Variants in RBMS3 observed in about 807,000 individuals in gnomAD.
RBMS3 encodes the protein RNA-binding motif, single-stranded-interacting protein 3.
Under a neutral mutation model 66.8 loss-of-function variants are expected in RBMS3, and 27 were observed. The ratio of observed to expected loss-of-function variants is 0.40; its 90% CI spans 0.30 to 0.56. RBMS3 has a LOEUF of 0.56. Ranked by LOEUF, RBMS3 falls within the 20% of genes least tolerant of loss-of-function variation. The pLI is 0.40. For missense variants in RBMS3, 513 were observed against 549.5 expected, an observed-to-expected ratio of 0.93 and a Z score of 0.66; for synonymous variants, 188 against 183.0, an observed-to-expected ratio of 1.03 and a Z score of -0.22.
chr3:29,508,183 A>T (rs1050511997), intron 3 of RBMS3, among the ~76,000 whole-genome samples: 2 of 151,968 alleles, frequency 1.3e-5, no homozygotes, highest in Non-Finnish European at 2.9e-5. Flanking sequence ...AATATAATCT[A>T]TTTTTTCCCC....
At chr3:29,835,552 A>T (rs2058483361) in intron 6 of RBMS3, among the ~76,000 whole-genome samples, 1 of 151,990 alleles carries the variant, frequency 6.6e-6, no homozygotes, top group Admixed American at 6.6e-5. Flanking sequence ...AAAAAATTAA[A>T]AGATAATTAA....
rs115377172 is a variant in RBMS3 at position 29,742,655 on chromosome 3, A to G, written c.557+2778A>G. On this transcript the variant is annotated intron_variant, in intron 5 of 14. Coordinates refer to ENST00000383767, the MANE Select transcript of RBMS3 (RefSeq NM_001003793.3). ...TTTTGTTTTTTCTTTCAAATAAAATATATCACGATTACAATGAATTCATTG... is the reference window on the plus strand; with the variant it reads ...TTTTGTTTTTTCTTTCAAATAAAATGTATCACGATTACAATGAATTCATTG... Among the ~76,000 whole-genome samples, 792 of 152,336 alleles carry G rather than the reference A, an allele frequency of 5.2e-3. 9 individuals are homozygous for G. The highest frequency in any genetic ancestry group is 0.018 in the African/African-American group (740 of 41,574).
At chr3:29,971,228 A>G (rs910908400) in intron 12 of RBMS3, among the ~76,000 whole-genome samples, 7 of 152,102 alleles carry the variant, frequency 4.6e-5, no homozygotes, top group African/African-American at 1.7e-4. Context: ...ACATTATTTC[A>G]TTACCAATGA....
intron 11 of RBMS3, among the ~76,000 whole-genome samples, chr3:29,939,024 G>C (rs901569919): frequency 6.6e-6 from 1 of 151,962 alleles, no homozygotes; most frequent in Admixed American, 6.6e-5. Flanking sequence ...ACTGGTGGGA[G>C]TCTAGTTTAG....
At chr3:29,385,858 A>C (rs1048224124) in intron 1 of RBMS3, among the ~76,000 whole-genome samples, 88 of 152,298 alleles carry the variant, frequency 5.8e-4, no homozygotes, top group African/African-American at 2.0e-3. Context: ...CTATTTTAGC[A>C]GCTCAACACT....
chr3:29,571,850 A>G (rs762249309), intron 3 of RBMS3, among the ~76,000 whole-genome samples: 1 of 152,186 alleles, frequency 6.6e-6, no homozygotes, highest in East Asian at 1.9e-4. Flanking sequence ...TTGAATCAGT[A>G]GATTGTTTTG....
intron 3 of RBMS3, among the ~76,000 whole-genome samples, chr3:29,527,181 T>TAAAAAAA (rs538907247): frequency 1.1e-5 from 1 of 87,826 alleles, no homozygotes. Flanking sequence ...TTAGGTAGAG[T>TAAAAAAA]AAAAAAAAAA....
chr3:29,497,532 T>C (rs949772710), intron 3 of RBMS3, among the ~76,000 whole-genome samples: 4 of 152,192 alleles, frequency 2.6e-5, no homozygotes, highest in African/African-American at 9.7e-5. Context: ...TAAAATGCTC[T>C]CTCTTCCTAC....
intron 10 of RBMS3, among the ~76,000 whole-genome samples, chr3:29,928,192 A>G (rs1364214448): frequency 7.4e-5 from 7 of 94,774 alleles, no homozygotes; most frequent in African/African-American, 2.3e-4. Flanking sequence ...ATATATATAT[A>G]TATATATATA....
At chr3:29,363,006 C>T (rs556460352) in intron 1 of RBMS3, among the ~76,000 whole-genome samples, 1 of 152,178 alleles carries the variant, frequency 6.6e-6, no homozygotes, top group African/African-American at 2.4e-5. Context: ...AAATTTTGCC[C>T]CTCTCATCTG....
chr3:29,538,326 T>C (rs957240205), intron 3 of RBMS3, among the ~76,000 whole-genome samples: 11 of 152,308 alleles, frequency 7.2e-5, no homozygotes, highest in Middle Eastern at 3.4e-3. Flanking sequence ...ACAAAAAATA[T>C]ACTTTACAAT....
intron 3 of RBMS3, among the ~76,000 whole-genome samples, chr3:29,499,677 C>T (rs899838496): frequency 5.3e-5 from 8 of 152,190 alleles, no homozygotes; most frequent in African/African-American, 1.7e-4. Flanking sequence ...GGTCATTCAG[C>T]GGACACCAGC....
intron 2 of RBMS3, among the ~76,000 whole-genome samples, chr3:29,477,539 A>T (rs2042988936): frequency 6.6e-6 from 1 of 152,174 alleles, no homozygotes; most frequent in African/African-American, 2.4e-5. Context: ...AAAAGATACA[A>T]TATAGTACAA....
chr3:29,509,329 A>G (rs1048340730), intron 3 of RBMS3, among the ~76,000 whole-genome samples: 2 of 152,158 alleles, frequency 1.3e-5, no homozygotes, highest in Non-Finnish European at 2.9e-5. Context: ...CTGTAACGTA[A>G]CAAGCACCCC....
intron 6 of RBMS3, among the ~76,000 whole-genome samples, chr3:29,788,150 C>G (rs2056884597): frequency 6.6e-6 from 1 of 151,094 alleles, no homozygotes; most frequent in African/African-American, 2.4e-5. Context: ...AAGTACCCAC[C>G]CTTCTCTAAA....
At chr3:29,281,922 T>G (rs1465043014) in intron 1 of RBMS3, among the ~76,000 whole-genome samples, 166 bp downstream of exon 1, 4 of 152,138 alleles carry the variant, frequency 2.6e-5, no homozygotes, top group African/African-American at 9.7e-5. Context: ...GAGGAAGACA[T>G]AAGAAGAAAG....
At chr3:29,909,106 G>A (rs774725305) in intron 10 of RBMS3, among the ~76,000 whole-genome samples, 9 of 152,118 alleles carry the variant, frequency 5.9e-5, no homozygotes, top group Non-Finnish European at 1.2e-4. Context: ...ACTACGGGGG[G>A]AGCAAATAGC....
At chr3:29,499,410 C>T (rs3773035) in intron 3 of RBMS3, among the ~76,000 whole-genome samples, 3,667 of 152,122 alleles carry the variant, frequency 0.024, 101 homozygotes, top group Admixed American at 0.089. Flanking sequence ...AAACAAGCTA[C>T]AAAAACCTAA....
chr3:29,286,165 A>AATAGCATGAAACTATG (rs1275373307), intron 1 of RBMS3, among the ~76,000 whole-genome samples: 8 of 152,246 alleles, frequency 5.3e-5, no homozygotes, highest in Non-Finnish European at 8.8e-5. Flanking sequence ...GGGGTAATAT[A>AATAGCATGAAACTATG]ATAGCATGAA....
Sources: gnomAD v4.1 joint callset for allele counts (sites outside exome capture counted in the v4.1 genomes callset) on GRCh38, gnomAD v4.1.1 for gene constraint, MANE v1.5 for transcripts, NCBI Gene and HGNC (gene_info 2026-07-23, HGNC 2026-07-21) for gene names.